RASGRF2: variants seen among roughly 807,000 people sequenced by gnomAD.
RASGRF2 encodes Ras protein specific guanine nucleotide releasing factor 2.
A neutral mutation model predicts 151.0 loss-of-function variants in RASGRF2; 76 were observed. The ratio of observed to expected loss-of-function variants is 0.50; its 90% confidence interval spans 0.42 to 0.61. RASGRF2 has a LOEUF of 0.61. RASGRF2 is among the 20% of genes least tolerant of loss of function. RASGRF2 has a pLI of 0.00. For synonymous variants in RASGRF2, 504 were observed against 566.5 expected (o/e 0.89, Z 1.57); for missense variants, 1,148 against 1,564.6 (o/e 0.73, Z 4.49).
chr5:81,118,975 C>G (rs1753232907), intron 15 of RASGRF2, among the ~76,000 whole-genome samples: 1 of 152,204 alleles, frequency 6.6e-6, no homozygotes, highest in Non-Finnish European at 1.5e-5. Context: ...CTTTACTATT[C>G]ATATTTCTAC....
At chr5:81,039,695 T>A (rs559059529) in intron 1 of RASGRF2, among the ~76,000 whole-genome samples, 52 of 152,306 alleles carry the variant, frequency 3.4e-4, no homozygotes, top group Non-Finnish European at 7.1e-4. Flanking sequence ...GTTGTAAATA[T>A]TAGTAAATCC....
rs59091071 is a variant in RASGRF2, at chr5:81,108,935, G to A, written c.1756-61G>A. On this transcript the variant is annotated intron_variant, in intron 12 of 26. Transcript: ENST00000265080. ...ATTCTTTTAGCTATAAACAATTGTGGGAATATATGATCTGCCTAGGCTTTC... is the reference window on the plus strand; with the variant it reads ...ATTCTTTTAGCTATAAACAATTGTGAGAATATATGATCTGCCTAGGCTTTC... 11,863 of 1,495,616 alleles carry A rather than the reference G, an allele frequency of 7.9e-3. 817 individuals carry two copies. In the African/African-American group the frequency reaches 0.15, roughly 19 times the overall value. 92.6% of individuals were successfully genotyped at this position (1,495,616 alleles called of 1,614,324 possible). A position where few individuals can be genotyped will look rare whatever the true frequency, so the allele number is the denominator to read the frequency against.
intron 18 of RASGRF2, among the ~76,000 whole-genome samples, chr5:81,195,157 C>T (rs1755235618): frequency 6.6e-6 from 1 of 152,206 alleles, no homozygotes; most frequent in African/African-American, 2.4e-5. Context: ...CATGGGCAGG[C>T]GACATCCCTC....
At chr5:81,088,487 C>T (rs1752302248) in intron 9 of RASGRF2, 1 of 152,144 alleles carries the variant, frequency 6.6e-6, no homozygotes, top group Non-Finnish European at 1.5e-5. Context: ...TTCTCTCTGC[C>T]TTACCTTGTC....
intron 17 of RASGRF2, among the ~76,000 whole-genome samples, chr5:81,153,254 GT>G (rs1754177979): frequency 6.6e-6 from 1 of 152,190 alleles, no homozygotes; most frequent in African/African-American, 2.4e-5. Context: ...GGAAATTAAG[GT>G]TGCAGTTGAA....
chr5:80,984,612 T>C (rs1748420013), intron 1 of RASGRF2, among the ~76,000 whole-genome samples: 1 of 152,220 alleles, frequency 6.6e-6, no homozygotes, highest in Non-Finnish European at 1.5e-5. Context: ...TTCTGTGATG[T>C]AAAAATTATG....
chr5:81,050,578 C>T (rs573597980), intron 2 of RASGRF2, among the ~76,000 whole-genome samples: 2 of 152,204 alleles, frequency 1.3e-5, no homozygotes, highest in Admixed American at 1.3e-4. Flanking sequence ...TCCTGGGCTC[C>T]AGCTGGAGCC....
rs549642242 is a variant in RASGRF2, at chr5:81,081,324, T to G, written c.1161+535T>G. Among the ~76,000 whole-genome samples the G allele has an allele frequency of 2.0e-4, 31 of 152,176 alleles. No individual in the cohort carries two copies. The South Asian group carries it at 6.4e-3, about 32-fold the overall frequency. On this transcript the variant is annotated intron_variant, in intron 7 of 26. Transcript: ENST00000265080. ...CCCTGGTCACAGAGGCTGTGGAGAC[T>G]AGGAAACAGAAGGCACGGGTGGGAC...
At chr5:81,083,768 C>A (rs887311713) in intron 7 of RASGRF2, among the ~76,000 whole-genome samples, 8 of 152,210 alleles carry the variant, frequency 5.3e-5, no homozygotes, top group African/African-American at 1.9e-4. Context: ...GTGAAATCTG[C>A]TCCTGACAAG....
chr5:80,964,160 A>G (rs1434203795), intron 1 of RASGRF2, among the ~76,000 whole-genome samples: 1 of 152,160 alleles, frequency 6.6e-6, no homozygotes, highest in African/African-American at 2.4e-5. Context: ...GAGGATTGCA[A>G]GGCTCTCTTA....
At chr5:81,091,341 C>G (rs1029719813) in intron 9 of RASGRF2, among the ~76,000 whole-genome samples, 6 of 152,136 alleles carry the variant, frequency 3.9e-5, no homozygotes, top group African/African-American at 1.4e-4. Flanking sequence ...CCAGTTTGCT[C>G]CCACCCACCT....
At position 81,208,343 on chromosome 5, in the gene RASGRF2, T is replaced by G; in HGVS notation, c.3072-11T>G. On this transcript the variant is annotated splice_polypyrimidine_tract_variant and intron_variant, in intron 21 of 26. Transcript: ENST00000265080. ...ACTTAATTGGTTTTGTGTTTTGTTTTGAACTTCCAGGGAGTTTCTTGGGCA... is the reference window on the plus strand; with the variant it reads ...ACTTAATTGGTTTTGTGTTTTGTTTGGAACTTCCAGGGAGTTTCTTGGGCA... 6.2e-7 allele frequency: 1 copy of G among 1,612,208 alleles called. No homozygotes were observed. The highest frequency in any genetic ancestry group is 8.5e-7 in the Non-Finnish European group (1 of 1,178,646).
At chr5:81,050,413 T>C (rs1750973379) in intron 2 of RASGRF2, among the ~76,000 whole-genome samples, 1 of 152,134 alleles carries the variant, frequency 6.6e-6, no homozygotes, top group African/African-American at 2.4e-5. Flanking sequence ...CCATGTTGCT[T>C]TAAGAAGAGA....
At chr5:81,097,207 C>T (rs574668014) in intron 12 of RASGRF2, among the ~76,000 whole-genome samples, 61 of 152,216 alleles carry the variant, frequency 4.0e-4, no homozygotes, top group African/African-American at 1.4e-3. Flanking sequence ...GTGATCCTCC[C>T]GCCTCGGCCT....
chr5:81,186,274 A>G (rs1755024126), intron 18 of RASGRF2, among the ~76,000 whole-genome samples: 1 of 152,202 alleles, frequency 6.6e-6, no homozygotes, highest in Admixed American at 6.5e-5. Flanking sequence ...GTATACGCCC[A>G]TGTAACTGCC....
chr5:81,140,990 G>GTT (rs11448247), intron 17 of RASGRF2, among the ~76,000 whole-genome samples: 2,827 of 148,662 alleles, frequency 0.019, 18 homozygotes, highest in African/African-American at 0.021. Flanking sequence ...GTTTTCTCTG[G>GTT]TTTTTTTTTT....
At chr5:81,189,337 G>C (rs1003098146) in intron 18 of RASGRF2, among the ~76,000 whole-genome samples, 1 of 152,224 alleles carries the variant, frequency 6.6e-6, no homozygotes, top group Non-Finnish European at 1.5e-5. Context: ...CCAGCTGGTA[G>C]GACTGATGGG....
intron 1 of RASGRF2, among the ~76,000 whole-genome samples, chr5:80,988,004 T>TGTGC (rs1008849607): frequency 1.6e-5 from 2 of 123,884 alleles, no homozygotes; most frequent in Non-Finnish European, 3.3e-5. Flanking sequence ...TTGAAATAAA[T>TGTGC]GTGCGTGTGT....
intron 1 of RASGRF2, among the ~76,000 whole-genome samples, chr5:80,980,872 A>G (rs1748276751): frequency 6.6e-6 from 1 of 152,118 alleles, no homozygotes; most frequent in Non-Finnish European, 1.5e-5. Context: ...TTGGCTTTTT[A>G]CCTGGTAGCC....
Sources: allele counts gnomAD v4.1 joint callset (sites outside exome capture counted in the v4.1 genomes callset), GRCh38; gene constraint gnomAD v4.1.1; transcripts MANE v1.5; gene names NCBI Gene and HGNC (gene_info 2026-07-23, HGNC 2026-07-21).